CCDC85A: variants seen among roughly 807,000 people sequenced by gnomAD.
CCDC85A encodes coiled-coil domain-containing protein 85A.
CCDC85A carries 38 observed loss-of-function variants against 50.2 expected under a neutral mutation model. The ratio of observed to expected loss-of-function variants is 0.76; its 90% confidence interval spans 0.58 to 0.99. The LOEUF (loss-of-function observed/expected upper bound fraction) is 0.99, where lower values mean the gene tolerates loss of function less well. Among genes scored for constraint, CCDC85A ranks in the 50% least tolerant of loss-of-function variants. The pLI is 0.00. For synonymous variants in CCDC85A, 366 were observed against 301.4 expected, an observed-to-expected ratio of 1.21 and a Z score of -2.22; for missense variants, 820 against 742.0, an observed-to-expected ratio of 1.11 and a Z score of -1.22.
chr2:56,200,214 A>G (rs1339910890), intron 2 of CCDC85A, among the ~76,000 whole-genome samples: 1 of 152,176 alleles, frequency 6.6e-6, no homozygotes, highest in East Asian at 1.9e-4. Context: ...GTGAGGCACT[A>G]TGTTTCTATA....
intron 2 of CCDC85A, among the ~76,000 whole-genome samples, chr2:56,230,317 G>T (rs1490928992): frequency 6.6e-6 from 1 of 152,148 alleles, no homozygotes; most frequent in Non-Finnish European, 1.5e-5. Context: ...TTGGGCAGAT[G>T]ATGTAATTCC....
chr2:56,257,537 C>G (rs1369376037), intron 2 of CCDC85A, among the ~76,000 whole-genome samples: 2 of 151,994 alleles, frequency 1.3e-5, no homozygotes, highest in Non-Finnish European at 2.9e-5. Context: ...AGCAGTCAAG[C>G]AAGTCTAGTG....
intron 2 of CCDC85A, among the ~76,000 whole-genome samples, chr2:56,248,449 C>T (rs948940058): frequency 1.3e-5 from 2 of 152,128 alleles, no homozygotes; most frequent in African/African-American, 4.8e-5. Context: ...TACCCACCTC[C>T]CTTCCTGTGC....
At chr2:56,231,475 A>T (rs1205718850) in intron 2 of CCDC85A, among the ~76,000 whole-genome samples, 1 of 152,192 alleles carries the variant, frequency 6.6e-6, no homozygotes. Context: ...AAAGAGACAC[A>T]TTCTTAAAGG....
intron 2 of CCDC85A, among the ~76,000 whole-genome samples, chr2:56,294,501 T>G (rs1439710840): frequency 2.6e-5 from 4 of 152,224 alleles, no homozygotes; most frequent in African/African-American, 9.6e-5. Context: ...TCTGTAGGAA[T>G]GGTTAAGGCC....
At chr2:56,224,251 A>G (rs963525146) in intron 2 of CCDC85A, among the ~76,000 whole-genome samples, 6 of 152,082 alleles carry the variant, frequency 3.9e-5, no homozygotes, top group Admixed American at 3.3e-4. Flanking sequence ...CACTCATTTA[A>G]TATGTTGTTT....
chr2:56,220,318 C>T (rs902484935), intron 2 of CCDC85A, among the ~76,000 whole-genome samples: 1 of 151,988 alleles, frequency 6.6e-6, no homozygotes, highest in Non-Finnish European at 1.5e-5. Context: ...AGGTATACTA[C>T]ACATGCTGAA....
intron 2 of CCDC85A, among the ~76,000 whole-genome samples, chr2:56,335,113 TAAGA>T (rs1674007466): frequency 6.6e-6 from 1 of 152,188 alleles, no homozygotes; most frequent in African/African-American, 2.4e-5. Context: ...TTTTTTAAAA[TAAGA>T]AAAGCGTCAA....
intron 2 of CCDC85A, among the ~76,000 whole-genome samples, chr2:56,251,348 A>G (rs890242412): frequency 9.9e-5 from 15 of 152,166 alleles, no homozygotes; most frequent in Non-Finnish European, 1.9e-4. Context: ...TTGGGCCCAT[A>G]TGAGTGGAAA....
At chr2:56,305,750 AT>A (rs1358921268) in intron 2 of CCDC85A, among the ~76,000 whole-genome samples, 2 of 152,242 alleles carry the variant, frequency 1.3e-5, no homozygotes, top group Non-Finnish European at 2.9e-5. Flanking sequence ...TATGCTTAAA[AT>A]TCAATATTGA....
chr2:56,270,832 A>G (rs912911862), intron 2 of CCDC85A, among the ~76,000 whole-genome samples: 3 of 152,218 alleles, frequency 2.0e-5, no homozygotes, highest in African/African-American at 7.2e-5. Flanking sequence ...TAGGCAGTTT[A>G]TGCAGTCCAC....
chr2:56,378,640 C>G (rs1676447759), intron 5 of CCDC85A, among the ~76,000 whole-genome samples: 1 of 152,142 alleles, frequency 6.6e-6, no homozygotes, highest in Non-Finnish European at 1.5e-5. Flanking sequence ...CTAGACGTTT[C>G]AAATTAATGA....
intron 3 of CCDC85A, among the ~76,000 whole-genome samples, chr2:56,371,922 A>G (rs1468798295): frequency 6.6e-6 from 1 of 152,184 alleles, no homozygotes; most frequent in Non-Finnish European, 1.5e-5. Flanking sequence ...CTTCTTAACA[A>G]AAGGGCATAG....
At chr2:56,340,249 G>A (rs563841159) in intron 2 of CCDC85A, among the ~76,000 whole-genome samples, 131 of 152,254 alleles carry the variant, frequency 8.6e-4, no homozygotes, top group Non-Finnish European at 1.4e-3. Flanking sequence ...ATAGAATTGG[G>A]TTCATATAAA....
At chr2:56,189,276 C>T (rs1676189007) in intron 1 of CCDC85A, among the ~76,000 whole-genome samples, 1 of 130,380 alleles carries the variant, frequency 7.7e-6, no homozygotes, top group Non-Finnish European at 1.7e-5. Context: ...AGAGGCAAAA[C>T]ATGCACGGGG....
At chr2:56,315,997 G>C (rs1440319263) in intron 2 of CCDC85A, among the ~76,000 whole-genome samples, 2 of 152,076 alleles carry the variant, frequency 1.3e-5, no homozygotes, top group African/African-American at 2.4e-5. Context: ...TTCCCAGCTT[G>C]GTGAAATTCT....
Position 56,242,780 on chromosome 2 carries a change from T to C in CCDC85A, c.1240+49340T>C, listed in dbSNP as rs116171686. Among the ~76,000 whole-genome samples the C allele has an allele frequency of 1.6e-3, 247 of 152,294 alleles. 2 individuals carry two copies. The highest frequency in any genetic ancestry group is 5.1e-3 in the African/African-American group (214 of 41,580). On this transcript the variant is annotated intron_variant, in intron 2 of 5. Transcript: ENST00000407595. The stretch of plus-strand genomic sequence containing the variant: ...ACTTTTTAACTTGAGGTGATCTGAT[T>C]TGTCCATTTTTGCTTTGGGTACCTC...
At chr2:56,298,261 G>T (rs1234539354) in intron 2 of CCDC85A, among the ~76,000 whole-genome samples, 1 of 152,152 alleles carries the variant, frequency 6.6e-6, no homozygotes, top group East Asian at 1.9e-4. Context: ...AATACTCTGA[G>T]TTTGATAGAA....
chr2:56,250,204 T>A (rs1558605660), intron 2 of CCDC85A, among the ~76,000 whole-genome samples: 2 of 152,160 alleles, frequency 1.3e-5, no homozygotes, highest in Non-Finnish European at 2.9e-5. Flanking sequence ...TGGTGCCTGT[T>A]TAATTTTTGG....
Sources: gnomAD v4.1 joint callset for allele counts (sites outside exome capture counted in the v4.1 genomes callset) on GRCh38, gnomAD v4.1.1 for gene constraint, MANE v1.5 for transcripts, NCBI Gene and HGNC (gene_info 2026-07-23, HGNC 2026-07-21) for gene names.